Variants in TBCEL observed in about 807,000 individuals in gnomAD.
TBCEL encodes the protein tubulin-specific chaperone cofactor E-like protein.
A neutral mutation model predicts 44.2 loss-of-function variants in TBCEL; 15 were observed. The observed-to-expected ratio is 0.34, with a 90% confidence interval of 0.23 to 0.52. The LOEUF (loss-of-function observed/expected upper bound fraction) is 0.52, where lower values mean the gene tolerates loss of function less well. Among genes scored for constraint, TBCEL ranks in the 20% least tolerant of loss-of-function variants. The pLI is 0.95. For missense variants in TBCEL, 319 were observed against 506.3 expected, an observed-to-expected ratio of 0.63 and a Z score of 3.55; for synonymous variants, 171 against 185.4, an observed-to-expected ratio of 0.92 and a Z score of 0.63.
intron 8 of TBCEL, among the ~76,000 whole-genome samples, chr11:121,071,224 A>G (rs367967907): frequency 6.8e-4 from 103 of 152,190 alleles, no homozygotes; most frequent in African/African-American, 2.4e-3. Flanking sequence ...ATTTCCTCTG[A>G]TAGATTGAAT....
intron 2 of TBCEL, among the ~76,000 whole-genome samples, chr11:121,043,067 A>G (rs1016200384): frequency 3.3e-5 from 5 of 152,180 alleles, no homozygotes; most frequent in African/African-American, 1.2e-4. Context: ...TGTAATCCAT[A>G]TAGTAGAGAC....
In TBCEL at chr11:121,058,638, C is replaced by T. The variant is rs149972163; in HGVS notation, c.839+167C>T. Reference sequence around the variant, plus strand: ...TCCAAATCCTGGATGAAAAGGAATGCGAGCACTATGATGAGGAAAACATGA... The same window carrying T: ...TCCAAATCCTGGATGAAAAGGAATGTGAGCACTATGATGAGGAAAACATGA... On this transcript the variant is annotated intron_variant, in intron 7 of 8. Transcript: ENST00000683345. Among the ~76,000 whole-genome samples, 2,056 of 151,924 alleles carry T rather than the reference C, an allele frequency of 0.014. 42 individuals carry two copies. Among genetic ancestry groups the T allele is most frequent in the Non-Finnish European group, 0.015 (1,016 of 67,848 alleles).
intron 4 of TBCEL, among the ~76,000 whole-genome samples, chr11:121,052,292 G>A (rs183712177): frequency 2.0e-5 from 3 of 151,826 alleles, no homozygotes; most frequent in Non-Finnish European, 2.9e-5. Context: ...TTGGGGGTAC[G>A]TAGGGAAACA....
intron 1 of TBCEL, chr11:121,036,293 C>T (rs189535441): frequency 3.9e-5 from 6 of 152,112 alleles, no homozygotes; most frequent in African/African-American, 1.2e-4. Context: ...TTTACCAGAT[C>T]GAATCTGGGC....
chr11:121,063,615 G>A (rs1447059955), intron 8 of TBCEL, among the ~76,000 whole-genome samples: 3 of 152,152 alleles, frequency 2.0e-5, no homozygotes, highest in Non-Finnish European at 4.4e-5. Context: ...AAGTTCACAA[G>A]CAATTACATG....
In TBCEL at chr11:121,055,439, T is replaced by C. The variant is rs901852537; in HGVS notation, c.712+131T>C. ...GTGAATTTTCTATATGACATGCAGA[T>C]GCCTATGATTGGCTAAATTTAAGAG... On this transcript the variant is annotated intron_variant, in intron 6 of 8. Coordinates refer to ENST00000683345, the MANE Select transcript of TBCEL (RefSeq NM_001363644.2). 11 of 900,244 alleles carry C rather than the reference T, an allele frequency of 1.2e-5. No homozygotes were observed. In the Admixed American group the frequency reaches 4.0e-4, roughly 33 times the overall value. 55.8% of individuals were successfully genotyped at this position (900,244 alleles called of 1,614,324 possible).
intron 1 of TBCEL, chr11:121,035,263 A>G (rs1224418235): frequency 6.6e-6 from 1 of 152,154 alleles, no homozygotes; most frequent in Non-Finnish European, 1.5e-5. Context: ...GCTAGGAGTT[A>G]CAGGCTACTA....
Position 121,067,960 on chromosome 11 carries a change from T to C in TBCEL, c.956+7875T>C, listed in dbSNP as rs113201877. Among the ~76,000 whole-genome samples the C allele has an allele frequency of 1.5e-3, 229 of 152,372 alleles. 1 individual carries two copies. Among genetic ancestry groups the C allele is most frequent in the African/African-American group, 4.8e-3 (199 of 41,596 alleles). On this transcript the variant is annotated intron_variant, in intron 8 of 8. Coordinates refer to ENST00000683345, the MANE Select transcript of TBCEL (RefSeq NM_001363644.2). ...AGCTAAGCTAGAGATATATTTCCTT[T>C]GCTGGGCCCTCTTCATGTTCCCAAC...
At chr11:121,036,108 A>G (rs1183177353) in intron 1 of TBCEL, 1 of 152,186 alleles carries the variant, frequency 6.6e-6, no homozygotes, top group African/African-American at 2.4e-5. Context: ...CCAGTTTCGT[A>G]TCCTGTAAAT....
intron 8 of TBCEL, among the ~76,000 whole-genome samples, chr11:121,082,520 T>C (rs1352147520): frequency 6.6e-6 from 1 of 152,190 alleles, no homozygotes; most frequent in African/African-American, 2.4e-5. Flanking sequence ...ACCACAATCA[T>C]GTTGAAGAGT....
intron 8 of TBCEL, among the ~76,000 whole-genome samples, chr11:121,062,619 A>G (rs1945745411): frequency 6.6e-6 from 1 of 152,154 alleles, no homozygotes; most frequent in Non-Finnish European, 1.5e-5. Flanking sequence ...CCCTGATGGT[A>G]TAATTATCCT....
At chr11:121,036,145 G>C (rs1448558258) in intron 1 of TBCEL, 1 of 152,182 alleles carries the variant, frequency 6.6e-6, no homozygotes, top group Non-Finnish European at 1.5e-5. Flanking sequence ...TTCTGTTTCA[G>C]AGAGTGGTTA....
chr11:121,051,225 G>A (rs1217390325), intron 4 of TBCEL, among the ~76,000 whole-genome samples: 6 of 151,710 alleles, frequency 4.0e-5, no homozygotes, highest in African/African-American at 1.5e-4. Flanking sequence ...CAGTAATGCT[G>A]ATGCAGACCA....
intron 2 of TBCEL, among the ~76,000 whole-genome samples, chr11:121,037,565 A>C (rs1945254315): frequency 6.6e-6 from 1 of 152,204 alleles, no homozygotes. Flanking sequence ...AGCTCCAAAA[A>C]CTTACTAATG....
At position 121,086,844 on chromosome 11, in the gene TBCEL, G is replaced by A; in HGVS notation, c.1023G>A (p.Gln341=). The A allele has an allele frequency of 6.2e-7, 1 of 1,614,046 alleles. No individual in the cohort carries two copies. The highest frequency in any genetic ancestry group is 8.5e-7 in the Non-Finnish European group (1 of 1,179,974). Residue 341 remains glutamine (Q), a synonymous_variant, in exon 9 of 9, where the codon CAG becomes CAA. Coordinates refer to ENST00000683345, the MANE Select transcript of TBCEL (RefSeq NM_001363644.2). The part of the protein sequence containing the change: ...EPLAEVDLRP[Q]SSAKVEVHFN... ...TGGCAGAAGTGGACCTAAGACCCCA[G>A]AGCAGTGCAAAAGTAGAAGTCCACT...
intron 1 of TBCEL, chr11:121,036,124 T>G (rs1407369936): frequency 6.6e-6 from 1 of 152,186 alleles, no homozygotes; most frequent in Non-Finnish European, 1.5e-5. Context: ...TAAATAGAGA[T>G]AAGTTAGTTT....
At chr11:121,025,787 G>C (rs1290394598) in intron 1 of TBCEL, among the ~76,000 whole-genome samples, 2 of 151,180 alleles carry the variant, frequency 1.3e-5, no homozygotes, top group Non-Finnish European at 2.9e-5. Context: ...TGATTGCTTC[G>C]GTTTAGATGT....
intron 8 of TBCEL, among the ~76,000 whole-genome samples, chr11:121,065,439 A>G (rs1009447842): frequency 1.3e-5 from 2 of 152,030 alleles, no homozygotes; most frequent in Admixed American, 6.6e-5. Flanking sequence ...CTCCATTCCA[A>G]TTCTCCTTCT....
intron 8 of TBCEL, among the ~76,000 whole-genome samples, chr11:121,070,379 T>G (rs1470455202): frequency 6.6e-6 from 1 of 152,192 alleles, no homozygotes; most frequent in Non-Finnish European, 1.5e-5. Flanking sequence ...TTATAAATCA[T>G]GCTACTATAA....
Sources: gnomAD v4.1 joint callset for allele counts (sites outside exome capture counted in the v4.1 genomes callset) on GRCh38, gnomAD v4.1.1 for gene constraint, MANE v1.5 for transcripts, NCBI Gene and HGNC (gene_info 2026-07-23, HGNC 2026-07-21) for gene names.